RPL5: variants seen among roughly 807,000 people sequenced by gnomAD.
The protein encoded by RPL5 is large ribosomal subunit protein uL18.
A neutral mutation model predicts 38.4 loss-of-function variants in RPL5; 1 was observed. The observed-to-expected ratio is 0.03, with a 90% CI of 0.01 to 0.12. The LOEUF (loss-of-function observed/expected upper bound fraction) is 0.12. RPL5 is among the 10% of genes least tolerant of loss of function. The pLI, the probability that RPL5 is intolerant of heterozygous loss-of-function variation, is 1.00. For missense variants in RPL5, 243 were observed against 374.1 expected (o/e 0.65, Z 2.89); for synonymous variants, 109 against 121.2 (o/e 0.90, Z 0.66).
intron 1 of RPL5, chr1:92,833,059 G>A (rs775694391): frequency 2.7e-6 from 2 of 729,980 alleles, no homozygotes; most frequent in Admixed American, 1.9e-5. Context: ...TATGGAAATT[G>A]AAAGCGTTTA....
chr1:92,840,735 T>A lies in RPL5; in HGVS notation c.794+96T>A, dbSNP rs761033077. On this transcript the variant is annotated intron_variant, in intron 7 of 7. Transcript: ENST00000370321. Reference sequence around the variant, plus strand: ...GGTGTAATTGTGCAAACTCGATCACTAGCTCTGCGTGATGTGGCAGAAGCG... The same window carrying A: ...GGTGTAATTGTGCAAACTCGATCACAAGCTCTGCGTGATGTGGCAGAAGCG... The A allele has an allele frequency of 9.0e-6, 8 of 886,386 alleles. No homozygotes were observed. In the East Asian group the frequency reaches 1.7e-4, roughly 19 times the overall value. The allele number at this position is 886,386 out of a possible 1,614,324, so 54.9% of individuals were successfully genotyped here.
intron 6 of RPL5, chr1:92,837,880 TA>T: frequency 1.9e-6 from 1 of 517,084 alleles, no homozygotes; most frequent in East Asian, 3.5e-5. Context: ...ATCATAGTTG[TA>T]ATCTGCTTTG....
Position 92,840,888 on chromosome 1 carries a change from A to G in RPL5, c.794+249A>G, listed in dbSNP as rs931083678. The G allele has an allele frequency of 5.0e-6, 3 of 603,060 alleles. No individual in the cohort carries two copies. In the African/African-American group the frequency reaches 5.5e-5, roughly 11 times the overall value. The allele number at this position is 603,060 out of a possible 1,614,324, so 37.4% of individuals were successfully genotyped here. A position where few individuals can be genotyped will look rare whatever the true frequency, so the allele number is the denominator to read the frequency against. ...TACTGCATTTTTTTATTGGCTGACA[A>G]GTTGCTTTTTGTTGATCTTTCATGT... On this transcript the variant is annotated intron_variant, in intron 7 of 7. Transcript: ENST00000370321.
At position 92,833,171 on chromosome 1, in the gene RPL5, A is replaced by G. The variant is rs1686977857; in HGVS notation, c.4-218A>G. The G allele has an allele frequency of 6.1e-6, 4 of 650,672 alleles. No homozygotes were observed. In the South Asian group the frequency reaches 7.1e-5, roughly 12 times the overall value. 40.3% of individuals were successfully genotyped at this position (650,672 alleles called of 1,614,324 possible). A position where few individuals can be genotyped will look rare whatever the true frequency, so the allele number is the denominator to read the frequency against. On this transcript the variant is annotated intron_variant, in intron 1 of 7. Coordinates refer to ENST00000370321, the MANE Select transcript of RPL5 (RefSeq NM_000969.5). ...TCTTTTATTCCATATTTCTCTAAGG[A>G]TTCATTTTTATTGTTTTATGAAACT...
intron 1 of RPL5, chr1:92,832,700 G>A: frequency 5.2e-6 from 2 of 387,142 alleles, no homozygotes; most frequent in Non-Finnish European, 9.3e-6. Context: ...CGTGCCTCCT[G>A]CCTCTTCCTC....
intron 6 of RPL5, chr1:92,837,915 A>C (rs1298723399): frequency 2.4e-6 from 1 of 425,466 alleles, no homozygotes; most frequent in Non-Finnish European, 4.3e-6. Context: ...GCTAGATAAT[A>C]AACTTCACTT....
intron 6 of RPL5, 122 bp from the exon 7 acceptor site, chr1:92,840,429 C>A: frequency 1.3e-6 from 1 of 760,308 alleles, no homozygotes; most frequent in South Asian, 1.5e-5. Context: ...TGTTTACCAA[C>A]ATTGATTTAG....
rs1452041081 is a variant in RPL5 at position 92,835,150 on chromosome 1, G to A, written c.324+237G>A. The A allele has an allele frequency of 8.6e-6, 5 of 580,708 alleles. No homozygotes were observed. In the African/African-American group the frequency reaches 9.4e-5, roughly 11 times the overall value. The allele number at this position is 580,708 out of a possible 1,614,324, so 36.0% of individuals were successfully genotyped here. On this transcript the variant is annotated intron_variant, in intron 4 of 7. Coordinates refer to ENST00000370321, the MANE Select transcript of RPL5 (RefSeq NM_000969.5). ...GTTTTGCCACTAGCGACCTGCAGCT[G>A]TTGAGTTCCAGCAGTATGTAAACTT...
In RPL5 at chr1:92,832,112, A is replaced by G; in HGVS notation, c.-3A>G. 1 of 1,614,074 alleles carries G rather than the reference A, an allele frequency of 6.2e-7. No homozygotes were observed. The highest frequency in any genetic ancestry group is 8.5e-7 in the Non-Finnish European group (1 of 1,179,986). ...CAGCGGACGCCGGTCTCTGTTCCGC[A>G]GGATGGTGAGTGGATGCCTCGGTCT... On this transcript the variant is annotated 5_prime_UTR_variant, in exon 1 of 8. Transcript: ENST00000370321.
At position 92,840,691 on chromosome 1, in the gene RPL5, C is replaced by T. The variant is rs751386541; in HGVS notation, c.794+52C>T. On this transcript the variant is annotated intron_variant, in intron 7 of 7. Coordinates refer to ENST00000370321, the MANE Select transcript of RPL5 (RefSeq NM_000969.5). ...CAAGAAAACAGGTTGGGAATGGTTC[C>T]CACGTGGGGCAGACTGTTGGTGTAA... The T allele has an allele frequency of 1.5e-5, 19 of 1,286,418 alleles. No individual in the cohort carries two copies. The Admixed American group carries it at 2.7e-4, about 18-fold the overall frequency. 79.7% of individuals were successfully genotyped at this position (1,286,418 alleles called of 1,614,324 possible).
chr1:92,832,072 C>G lies in RPL5; in HGVS notation c.-43C>G. Reference sequence around the variant, plus strand: ...CCACCCCCTAGCGCCGCTGGGCCTGCAGGTCTCTGTCGAGCAGCGGACGCC... The same window carrying G: ...CCACCCCCTAGCGCCGCTGGGCCTGGAGGTCTCTGTCGAGCAGCGGACGCC... On this transcript the variant is annotated 5_prime_UTR_variant, in exon 1 of 8. Coordinates refer to ENST00000370321, the MANE Select transcript of RPL5 (RefSeq NM_000969.5). 1.9e-6 allele frequency: 3 copies of G among 1,613,618 alleles called. No homozygotes were observed. Among genetic ancestry groups the G allele is most frequent in the Non-Finnish European group, 2.5e-6 (3 of 1,179,856 alleles).
In RPL5 at chr1:92,836,318, C is replaced by T. The variant is rs3208367; in HGVS notation, c.453C>T (p.Ala151=). 6.2e-7 allele frequency: 1 copy of T among 1,614,014 alleles called. No individual in the cohort carries two copies. Among genetic ancestry groups the T allele is most frequent in the Admixed American group, 1.7e-5 (1 of 59,988 alleles). Residue 151 remains alanine, a synonymous_variant, in exon 5 of 8, where the codon GCC becomes GCT. Coordinates refer to ENST00000370321, the MANE Select transcript of RPL5 (RefSeq NM_000969.5). ...AFTCYLDAGL[A]RTTTGNKVFG... The stretch of plus-strand genomic sequence containing the variant: ...CCTGCTATTTGGATGCAGGCCTTGC[C>T]AGAACTACCACTGGCAATAAAGTTT...
intron 6 of RPL5, among the ~76,000 whole-genome samples, chr1:92,839,277 T>G (rs1018944433): frequency 3.9e-5 from 6 of 152,202 alleles, no homozygotes; most frequent in African/African-American, 1.4e-4. Flanking sequence ...AAGAATTGCT[T>G]GAACCCTGGA....
chr1:92,840,846 A>C (rs1687334584), intron 7 of RPL5: 1 of 693,334 alleles, frequency 1.4e-6, no homozygotes, highest in East Asian at 2.8e-5. Flanking sequence ...CTATCCTAGT[A>C]CAGTCTAAGT....
intron 1 of RPL5, chr1:92,832,368 T>G: frequency 1.6e-6 from 1 of 632,384 alleles, no homozygotes; most frequent in Non-Finnish European, 2.8e-6. Flanking sequence ...AGGGTGAGTT[T>G]AGTAGACAGC....
chr1:92,841,555 CTATGGTAG>C (rs1024820341), intron 7 of RPL5, among the ~76,000 whole-genome samples: 1 of 152,048 alleles, frequency 6.6e-6, no homozygotes. Flanking sequence ...ACTTTTGGCC[CTATGGTAG>C]TAGGACATCA....
At chr1:92,836,418 T>C in intron 5 of RPL5, 26 bp downstream of exon 5, 1 of 1,601,664 alleles carries the variant, frequency 6.2e-7, no homozygotes, top group Non-Finnish European at 8.6e-7. Flanking sequence ...AAGACCTTGG[T>C]GCCTGGACCG....
rs777486641 is a variant in RPL5 at position 92,833,510 on chromosome 1, G to A, written c.74-35G>A. ...TATTAATCTGCTTTGCAGATGCAGT[G>A]GAGTATCCTTTCTACAATTATTTTT... On this transcript the variant is annotated intron_variant, in intron 2 of 7. Coordinates refer to ENST00000370321, the MANE Select transcript of RPL5 (RefSeq NM_000969.5). The A allele has an allele frequency of 7.5e-6, 12 of 1,609,538 alleles. No homozygotes were observed. The Admixed American group carries it at 1.8e-4, about 25-fold the overall frequency.
chr1:92,833,813 C>T, intron 3 of RPL5, 153 bp downstream of exon 3: 1 of 647,960 alleles, frequency 1.5e-6, no homozygotes, highest in Non-Finnish European at 2.7e-6. Flanking sequence ...AGAATTGGAA[C>T]CTGGGAACTT....
Sources: allele counts gnomAD v4.1 joint callset (sites outside exome capture counted in the v4.1 genomes callset), GRCh38; gene constraint gnomAD v4.1.1; transcripts MANE v1.5; gene names NCBI Gene and HGNC (gene_info 2026-07-23, HGNC 2026-07-21).